DHX33: variants seen among roughly 807,000 people sequenced by gnomAD.
The protein encoded by DHX33 is ATP-dependent RNA helicase DHX33.
In DHX33, 42 loss-of-function variants were observed where a neutral mutation model predicts 72.5. The observed-to-expected ratio is 0.58, with a 90% CI of 0.45 to 0.75. The LOEUF is 0.75. Ranked by LOEUF, DHX33 falls within the 30% of genes least tolerant of loss-of-function variation. The probability of loss-of-function intolerance (pLI) is 0.00; values close to 1 mark genes in which losing one functional copy is unlikely to be tolerated. For missense variants in DHX33, 842 were observed against 917.5 expected, an observed-to-expected ratio of 0.92 and a Z score of 1.06; for synonymous variants, 358 against 366.1, an observed-to-expected ratio of 0.98 and a Z score of 0.25.
intron 4 of DHX33, among the ~76,000 whole-genome samples, chr17:5,458,445 G>A (rs1451101556): frequency 1.3e-5 from 2 of 152,086 alleles, no homozygotes; most frequent in African/African-American, 4.8e-5. Flanking sequence ...ATTGATACTG[G>A]ACTCAGAAAA....
intron 8 of DHX33, among the ~76,000 whole-genome samples, chr17:5,451,965 C>T (rs1460378398): frequency 6.6e-6 from 1 of 151,862 alleles, no homozygotes; most frequent in Non-Finnish European, 1.5e-5. Flanking sequence ...TTACAAACAA[C>T]AGGTGGTTTA....
At chr17:5,450,771 G>A in intron 9 of DHX33, 36 bp downstream of exon 9, 1 of 1,613,766 alleles carries the variant, frequency 6.2e-7, no homozygotes, top group South Asian at 1.1e-5. Context: ...TAACTGTAAT[G>A]TACAGAAAGA....
Position 5,450,193 on chromosome 17 carries a change from C to A in DHX33, c.1728+10G>T. 1 of 1,614,078 alleles carries A rather than the reference C, an allele frequency of 6.2e-7. No homozygotes were observed. Among genetic ancestry groups the A allele is most frequent in the Non-Finnish European group, 8.5e-7 (1 of 1,180,012 alleles). On this transcript the variant is annotated intron_variant, in intron 10 of 11. Coordinates refer to ENST00000225296, the MANE Select transcript of DHX33 (RefSeq NM_020162.4). ...CTATCGCTGGAGAACAGGTGCAAGA[C>A]AAGGCTCACCTTATTTCCGCCTAGG... is the stretch of plus-strand genomic sequence containing the variant.
At chr17:5,451,008 G>A in intron 8 of DHX33, 74 bp from the exon 9 acceptor site, 1 of 1,558,616 alleles carries the variant, frequency 6.4e-7, no homozygotes, top group Non-Finnish European at 8.7e-7. Context: ...GTATTTCTGG[G>A]AGCTTCTGAT....
intron 4 of DHX33, among the ~76,000 whole-genome samples, chr17:5,460,551 G>C (rs1904545969): frequency 6.7e-6 from 1 of 149,964 alleles, no homozygotes; most frequent in South Asian, 2.1e-4. Flanking sequence ...CTGTCACCTA[G>C]GCTGGAGTGC....
At chr17:5,459,006 C>T (rs540435985) in intron 4 of DHX33, among the ~76,000 whole-genome samples, 11 of 151,884 alleles carry the variant, frequency 7.2e-5, no homozygotes, top group Non-Finnish European at 1.3e-4. Flanking sequence ...GAGACCAGTC[C>T]GGGCAACGTA....
At chr17:5,455,855 G>A in intron 5 of DHX33, 142 bp downstream of exon 5, 1 of 855,762 alleles carries the variant, frequency 1.2e-6, no homozygotes, top group Non-Finnish European at 1.8e-6. Flanking sequence ...TTTTATTCCT[G>A]CACCTCCTCA....
chr17:5,456,269 C>A, intron 4 of DHX33, 87 bp from the exon 5 acceptor site: 4 of 1,386,740 alleles, frequency 2.9e-6, no homozygotes, highest in Non-Finnish European at 4.0e-6. Context: ...TGATGTTTCC[C>A]AGAGTTATTT....
intron 5 of DHX33, among the ~76,000 whole-genome samples, chr17:5,455,541 C>G (rs1216195340): frequency 6.6e-6 from 1 of 152,150 alleles, no homozygotes; most frequent in Non-Finnish European, 1.5e-5. Context: ...GAATCGTGGC[C>G]CTGCCAGTGA....
rs1031016537 is a variant in DHX33 at position 5,443,122 on chromosome 17, C to G, written c.*1083G>C. Reference sequence around the variant, plus strand: ...TAGACTTCACTGAACTGCCCCCCACCCCCCCCGCCCACACACCAAAAAAGA... The same window carrying G: ...TAGACTTCACTGAACTGCCCCCCACGCCCCCCGCCCACACACCAAAAAAGA... On this transcript the variant is annotated 3_prime_UTR_variant, in exon 12 of 12. Transcript: ENST00000225296. 7.2e-6 allele frequency: 1 copy of G among 138,278 alleles called. No homozygotes were observed. The highest frequency in any genetic ancestry group is 1.6e-5 in the Non-Finnish European group (1 of 63,486). 8.6% of individuals were successfully genotyped at this position (138,278 alleles called of 1,614,324 possible). A position where few individuals can be genotyped will look rare whatever the true frequency, so the allele number is the denominator to read the frequency against.
Position 5,456,155 on chromosome 17 carries a change from C to A in DHX33, c.877G>T (p.Val293Leu), listed in dbSNP as rs759284803. ...ATCTCCTCCTGCCCAGTGAGGAACA[C>A]CAGGATGTCCTGTGAAGAAGGGGCT... ...QEAPSSQDIL[V>L]FLTGQEEIEA... is the part of the protein sequence containing the mutation. The change falls in exon 5 of 12, where the codon GTG becomes TTG. Residue 293 changes from valine (V) to leucine (L), a missense_variant. Val to Leu is a conservative substitution (Grantham distance 32). Coordinates refer to ENST00000225296, the MANE Select transcript of DHX33 (RefSeq NM_020162.4). The A allele has an allele frequency of 8.5e-5, 137 of 1,613,924 alleles. No individual in the cohort carries two copies. Among genetic ancestry groups the A allele is most frequent in the Non-Finnish European group, 1.1e-4 (132 of 1,179,962 alleles).
chr17:5,447,500 T>C (rs541902558), intron 11 of DHX33, among the ~76,000 whole-genome samples: 2 of 152,270 alleles, frequency 1.3e-5, no homozygotes, highest in East Asian at 3.9e-4. Context: ...GGGTCATGCC[T>C]GTAGTCCCAG....
chr17:5,448,484 TA>T (rs1213027713), intron 11 of DHX33, among the ~76,000 whole-genome samples: 1 of 152,154 alleles, frequency 6.6e-6, no homozygotes, highest in Non-Finnish European at 1.5e-5. Flanking sequence ...TTTGGTAATC[TA>T]AAAGGAAATA....
chr17:5,458,404 A>C (rs1183748775), intron 4 of DHX33, among the ~76,000 whole-genome samples: 4 of 152,108 alleles, frequency 2.6e-5, no homozygotes, highest in Non-Finnish European at 5.9e-5. Context: ...ATGGTGTGCT[A>C]CTAGCAATGT....
In DHX33 at chr17:5,444,086, G is replaced by T; in HGVS notation, c.*119C>A. ...CAAAGATGCTTTCACGCTCCTGGAA[G>T]TCAGGCACCTTCAGCTGATTCCAAG... On this transcript the variant is annotated 3_prime_UTR_variant, in exon 12 of 12. Transcript: ENST00000225296. This position sits in a 1 kb window ranked among gnomAD's most constrained non-coding sequence, Gnocchi z 4.9. 1.7e-6 allele frequency: 2 copies of T among 1,201,502 alleles called. No homozygotes were observed. Among genetic ancestry groups the T allele is most frequent in the Non-Finnish European group, 2.3e-6 (2 of 871,644 alleles). 74.4% of individuals were successfully genotyped at this position (1,201,502 alleles called of 1,614,324 possible).
At chr17:5,451,060 C>G in intron 8 of DHX33, 126 bp from the exon 9 acceptor site, 1 of 1,050,372 alleles carries the variant, frequency 9.5e-7, no homozygotes, top group South Asian at 1.6e-5. Flanking sequence ...ACCGCCACTG[C>G]CCCCTTGACA....
At chr17:5,465,828 G>A (rs1272859354) in intron 1 of DHX33, among the ~76,000 whole-genome samples, 1 of 152,116 alleles carries the variant, frequency 6.6e-6, no homozygotes, top group South Asian at 2.1e-4. Flanking sequence ...TTCTGAGCAG[G>A]GCTCCTGAAC....
rs954355675 is a variant in DHX33 at position 5,441,459 on chromosome 17, G to A, written c.*2746C>T. 6.6e-6 allele frequency: 1 copy of A among 152,184 alleles called. No homozygotes were observed. Among genetic ancestry groups the A allele is most frequent in the African/African-American group, 2.4e-5 (1 of 41,436 alleles). The allele number at this position is 152,184 out of a possible 1,614,324, so 9.4% of individuals were successfully genotyped here. On this transcript the variant is annotated 3_prime_UTR_variant, in exon 12 of 12. Coordinates refer to ENST00000225296, the MANE Select transcript of DHX33 (RefSeq NM_020162.4). The stretch of plus-strand genomic sequence containing the variant: ...GGTGATTCTTCCAGATATGGGTTTC[G>A]TAGGTTGGCAAAGAGTTATCACACC...
rs1014911574 is a variant in DHX33, at chr17:5,444,712, G to A, written c.1816-199C>T. ...GAAGAAGGCCCAGCTGGAGGAGCAC[G>A]GACCAGAAACAGGGAAACTACCGCC... On this transcript the variant is annotated intron_variant, in intron 11 of 11. Coordinates refer to ENST00000225296, the MANE Select transcript of DHX33 (RefSeq NM_020162.4). This position sits in a 1 kb window ranked among gnomAD's most constrained non-coding sequence, Gnocchi z 4.9. Among the ~76,000 whole-genome samples the A allele has an allele frequency of 3.4e-4, 52 of 152,288 alleles. No individual in the cohort carries two copies. Among genetic ancestry groups the A allele is most frequent in the African/African-American group, 1.2e-3 (51 of 41,560 alleles).
Sources: gnomAD v4.1 joint callset for allele counts (sites outside exome capture counted in the v4.1 genomes callset) on GRCh38, gnomAD v4.1.1 for gene constraint, Gnocchi (gnomAD v3.1) non-coding constraint, MANE v1.5 for transcripts, NCBI Gene and HGNC (gene_info 2026-07-23, HGNC 2026-07-21) for gene names.